Variants in TPO observed in about 807,000 individuals in gnomAD.
TPO encodes thyroid peroxidase.
TPO carries 78 observed loss-of-function variants against 96.9 expected under a neutral mutation model. The ratio of observed to expected loss-of-function variants is 0.81; its 90% CI spans 0.67 to 0.97. The LOEUF (loss-of-function observed/expected upper bound fraction) is 0.97. Among genes scored for constraint, TPO ranks in the 50% least tolerant of loss-of-function variants. The probability of loss-of-function intolerance (pLI) is 0.00; values close to 1 mark genes in which losing one functional copy is unlikely to be tolerated. For missense variants in TPO, 1,252 were observed against 1,274.8 expected, an observed-to-expected ratio of 0.98 and a Z score of 0.27; for synonymous variants, 547 against 538.0, an observed-to-expected ratio of 1.02 and a Z score of -0.23.
At chr2:1,490,690 G>C (rs945109071) in intron 10 of TPO, among the ~76,000 whole-genome samples, 2 of 152,196 alleles carry the variant, frequency 1.3e-5, no homozygotes, top group Admixed American at 6.5e-5. Context: ...TGGAGGCATC[G>C]ATGCACCAGA....
intron 3 of TPO, among the ~76,000 whole-genome samples, chr2:1,424,639 T>C (rs1664133039): frequency 6.6e-6 from 1 of 152,232 alleles, no homozygotes; most frequent in East Asian, 1.9e-4. Flanking sequence ...TGGAAAGATT[T>C]GCCTTTTGAT....
chr2:1,403,268 G>T (rs1662198441), intron 1 of TPO, among the ~76,000 whole-genome samples: 1 of 152,172 alleles, frequency 6.6e-6, no homozygotes, highest in African/African-American at 2.4e-5. Context: ...GAGCCAGCGG[G>T]GGCTCTGCTG....
intron 5 of TPO, chr2:1,439,048 T>TA (rs1665896553): frequency 3.7e-6 from 2 of 543,000 alleles, no homozygotes; most frequent in Non-Finnish European, 3.3e-6. Context: ...AAAAACTCTT[T>TA]AAAAAATGTA....
At chr2:1,418,718 C>T (rs1318087020) in intron 2 of TPO, among the ~76,000 whole-genome samples, 1 of 152,190 alleles carries the variant, frequency 6.6e-6, no homozygotes, top group Non-Finnish European at 1.5e-5. Flanking sequence ...AAATGTTCCA[C>T]AAGTTATAGC....
chr2:1,472,090 A>AT (rs1669478117), intron 7 of TPO, among the ~76,000 whole-genome samples: 1 of 151,754 alleles, frequency 6.6e-6, no homozygotes, highest in Admixed American at 6.6e-5. Context: ...TGCCCTTCCC[A>AT]TGATGCAAAT....
rs759342826 is a variant in TPO at position 1,484,550 on chromosome 2, C to CT, written c.1339-45dup. The CT allele has an allele frequency of 3.1e-6, 5 of 1,613,400 alleles. No homozygotes were observed. In the South Asian group the frequency reaches 5.5e-5, roughly 18 times the overall value. Reference sequence around the variant, plus strand: ...CACACTGCCGCTCGAGGCGACCCTCCTCTGGTATCCTGGGCCTCACTGAGA... The same window carrying CT: ...CACACTGCCGCTCGAGGCGACCCTCCTTCTGGTATCCTGGGCCTCACTGAGA... On this transcript the variant is annotated intron_variant, in intron 8 of 16. Transcript: ENST00000329066.
intron 1 of TPO, among the ~76,000 whole-genome samples, chr2:1,399,521 C>T (rs1662133239): frequency 6.6e-6 from 1 of 152,236 alleles, no homozygotes; most frequent in South Asian, 2.1e-4. Flanking sequence ...ACAATTATAA[C>T]AATACCCAGA....
intron 13 of TPO, among the ~76,000 whole-genome samples, chr2:1,502,862 A>C (rs1673012272): frequency 6.6e-6 from 1 of 152,176 alleles, no homozygotes; most frequent in South Asian, 2.1e-4. Context: ...TAACTGAGAA[A>C]ACCAGCATGG....
intron 14 of TPO, among the ~76,000 whole-genome samples, chr2:1,513,120 G>A (rs1674333106): frequency 6.6e-6 from 1 of 152,220 alleles, no homozygotes; most frequent in African/African-American, 2.4e-5. Flanking sequence ...ACTGTCCCTG[G>A]ATGCACCAGC....
chr2:1,477,663 T>C, intron 8 of TPO, 59 bp downstream of exon 8: 2 of 1,432,692 alleles, frequency 1.4e-6, no homozygotes, highest in African/African-American at 1.5e-5. Flanking sequence ...GGGCGCCTCG[T>C]GTGGGTGCGC....
intron 8 of TPO, among the ~76,000 whole-genome samples, chr2:1,480,400 G>A (rs975840765): frequency 6.6e-6 from 1 of 152,042 alleles, no homozygotes; most frequent in Non-Finnish European, 1.5e-5. Context: ...GGGCCTGGAA[G>A]CCTCATTTTT....
At chr2:1,510,375 CT>C (rs1344130789) in intron 14 of TPO, among the ~76,000 whole-genome samples, 1 of 152,178 alleles carries the variant, frequency 6.6e-6, no homozygotes, top group Non-Finnish European at 1.5e-5. Context: ...CCCAGAAGCA[CT>C]TGCTGTATTT....
chr2:1,445,639 G>A (rs1437948213), intron 5 of TPO, among the ~76,000 whole-genome samples: 1 of 130,326 alleles, frequency 7.7e-6, no homozygotes, highest in Non-Finnish European at 1.6e-5. Flanking sequence ...AATGGGGCAG[G>A]CTCCTTGTTT....
At chr2:1,527,684 C>G (rs1676910585) in intron 15 of TPO, among the ~76,000 whole-genome samples, 1 of 146,650 alleles carries the variant, frequency 6.8e-6, no homozygotes, top group South Asian at 2.3e-4. Flanking sequence ...CAAATCCCAC[C>G]CAATTGTGGG....
intron 5 of TPO, among the ~76,000 whole-genome samples, chr2:1,441,906 C>A (rs1290578922): frequency 6.6e-6 from 1 of 152,124 alleles, no homozygotes; most frequent in Admixed American, 6.5e-5. Context: ...GTGTCCCCAC[C>A]CAAATCTCAT....
At position 1,513,420 on chromosome 2, in the gene TPO, C is replaced by T. The variant is rs558178736; in HGVS notation, c.2519-3463C>T. On this transcript the variant is annotated intron_variant, in intron 14 of 16. Transcript: ENST00000329066. Reference sequence around the variant, plus strand: ...GTCTGAGAGATTCATAAACAGGTGCCACGGCTTCTCCTTCCGTCCTCACAG... The same window carrying T: ...GTCTGAGAGATTCATAAACAGGTGCTACGGCTTCTCCTTCCGTCCTCACAG... 5 of 152,370 alleles carry T rather than the reference C, an allele frequency of 3.3e-5. No homozygotes were observed. In the East Asian group the frequency reaches 9.6e-4, roughly 29 times the overall value. 9.4% of individuals were successfully genotyped at this position (152,370 alleles called of 1,614,324 possible).
chr2:1,385,650 C>CAA (rs561178844), intron 1 of TPO, among the ~76,000 whole-genome samples: 11 of 145,950 alleles, frequency 7.5e-5, no homozygotes, highest in Admixed American at 1.4e-4. Context: ...TTGATCTTTT[C>CAA]AAAAAAAAAA....
At chr2:1,505,300 C>T (rs1260106528) in intron 14 of TPO, among the ~76,000 whole-genome samples, 5 of 148,344 alleles carry the variant, frequency 3.4e-5, no homozygotes, top group Non-Finnish European at 7.5e-5. Flanking sequence ...TATCCTATAT[C>T]AGGCACATCC....
At chr2:1,542,288 G>A (rs1680853730) in intron 16 of TPO, 133 bp from the exon 17 acceptor site, 1 of 1,225,830 alleles carries the variant, frequency 8.2e-7, no homozygotes, top group Non-Finnish European at 1.2e-6. Flanking sequence ...AAGCAAGAAG[G>A]ATGGCTCATC....
Sources: allele counts gnomAD v4.1 joint callset (sites outside exome capture counted in the v4.1 genomes callset), GRCh38; gene constraint gnomAD v4.1.1; transcripts MANE v1.5; gene names NCBI Gene and HGNC (gene_info 2026-07-23, HGNC 2026-07-21).